The following MLANA variants were observed in gnomAD, a reference collection of about 807,000 sequenced individuals.
MLANA encodes the protein melanoma antigen recognized by T-cells 1.
MLANA carries 21 observed loss-of-function variants against 15.7 expected under a neutral mutation model. The ratio of observed to expected loss-of-function variants is 1.33; its 90% CI spans 0.95 to 1.92. The LOEUF (loss-of-function observed/expected upper bound fraction) is 1.92, where lower values mean the gene tolerates loss of function less well. Ranked by LOEUF, MLANA falls within the 40% of genes most tolerant of loss-of-function variation. MLANA has a pLI of 0.00. For synonymous variants in MLANA, 56 were observed against 51.5 expected, an observed-to-expected ratio of 1.09 and a Z score of -0.37; for missense variants, 164 against 143.8, an observed-to-expected ratio of 1.14 and a Z score of -0.72.
intron 3 of MLANA, among the ~76,000 whole-genome samples, chr9:5,905,792 G>C (rs1832765454): frequency 6.6e-6 from 1 of 152,138 alleles, no homozygotes; most frequent in South Asian, 2.1e-4. Context: ...CTGTCTTCCT[G>C]AAACATATAA....
At chr9:5,903,719 T>C (rs1254393509) in intron 3 of MLANA, among the ~76,000 whole-genome samples, 2 of 152,222 alleles carry the variant, frequency 1.3e-5, no homozygotes, top group Non-Finnish European at 2.9e-5. Flanking sequence ...TTATGTCTTC[T>C]TGGAGAATGA....
Position 5,897,482 on chromosome 9 carries a change from A to T in MLANA, c.78-75A>T. On this transcript the variant is annotated intron_variant, in intron 2 of 4. Coordinates refer to ENST00000381477, the MANE Select transcript of MLANA (RefSeq NM_005511.2). ...GTCGTCAAAGTCCATATGAAGAGGA[A>T]GACTGATTTATGCTTCATCATAATG... The T allele has an allele frequency of 2.2e-6, 3 of 1,360,228 alleles. No homozygotes were observed. In the East Asian group the frequency reaches 6.9e-5, roughly 31 times the overall value. The allele number at this position is 1,360,228 out of a possible 1,614,324, so 84.3% of individuals were successfully genotyped here.
intron 3 of MLANA, among the ~76,000 whole-genome samples, chr9:5,905,683 C>A (rs768987106): frequency 7.9e-5 from 12 of 152,208 alleles, no homozygotes; most frequent in African/African-American, 2.7e-4. Flanking sequence ...CTAAAACCCA[C>A]CTGTGACTTG....
intron 3 of MLANA, among the ~76,000 whole-genome samples, chr9:5,901,978 C>G (rs1038870772): frequency 6.6e-6 from 1 of 151,842 alleles, no homozygotes; most frequent in Non-Finnish European, 1.5e-5. Flanking sequence ...GTAGTTTTCT[C>G]TTTTTGCAAT....
chr9:5,895,985 T>G (rs1426842494), intron 2 of MLANA, among the ~76,000 whole-genome samples: 1 of 152,228 alleles, frequency 6.6e-6, no homozygotes, highest in East Asian at 1.9e-4. Flanking sequence ...TTGAATCAGC[T>G]GCCTTCAGTC....
At chr9:5,897,040 T>G (rs958483736) in intron 2 of MLANA, among the ~76,000 whole-genome samples, 12 of 152,268 alleles carry the variant, frequency 7.9e-5, no homozygotes, top group African/African-American at 2.9e-4. Flanking sequence ...CTCTGCCTTT[T>G]ATTTCCTCTT....
intron 3 of MLANA, among the ~76,000 whole-genome samples, chr9:5,902,404 T>A (rs1450630121): frequency 6.6e-6 from 1 of 152,198 alleles, no homozygotes; most frequent in Non-Finnish European, 1.5e-5. Flanking sequence ...TTATTGATCT[T>A]TTCCCAGAAT....
At chr9:5,898,256 C>T in intron 3 of MLANA, 1 of 152,866 alleles carries the variant, frequency 6.5e-6, no homozygotes, top group Non-Finnish European at 1.5e-5. Flanking sequence ...ACTATGTTGC[C>T]CAGGCTGGTC....
chr9:5,898,341 T>A (rs971361777), intron 3 of MLANA, among the ~76,000 whole-genome samples: 2 of 152,184 alleles, frequency 1.3e-5, no homozygotes, highest in Admixed American at 6.5e-5. Flanking sequence ...ACACTCCACA[T>A]ATGGCCCAAA....
chr9:5,909,017 T>C lies in MLANA; in HGVS notation c.*309T>C, dbSNP rs971118572. 2.9e-6 allele frequency: 1 copy of C among 342,720 alleles called. No individual in the cohort carries two copies. The highest frequency in any genetic ancestry group is 2.1e-5 in the African/African-American group (1 of 46,700). The allele number at this position is 342,720 out of a possible 1,614,324, so 21.2% of individuals were successfully genotyped here. ...AGAGACAGAATTCAAGTGGGTATTC[T>C]GGGGCCATCCAATTTCTCTTTACTT... On this transcript the variant is annotated 3_prime_UTR_variant, in exon 5 of 5. Transcript: ENST00000381477.
At chr9:5,906,490 T>C (rs1021042442) in intron 3 of MLANA, among the ~76,000 whole-genome samples, 2 of 152,278 alleles carry the variant, frequency 1.3e-5, no homozygotes, top group African/African-American at 4.8e-5. Flanking sequence ...AAGGCAGGTC[T>C]ACTGGCAATG....
rs187428879 is a variant in MLANA, at chr9:5,896,445, T to C, written c.78-1112T>C. Among the ~76,000 whole-genome samples the C allele has an allele frequency of 1.5e-3, 235 of 152,314 alleles. 1 individual carries two copies. In the Middle Eastern group the frequency reaches 0.034, roughly 22 times the overall value. ...ATCCCATGGTTCGCTCTATCCTGTT[T>C]GGAGACGGACAGGATAAGCTTGATG... On this transcript the variant is annotated intron_variant, in intron 2 of 4. Coordinates refer to ENST00000381477, the MANE Select transcript of MLANA (RefSeq NM_005511.2).
At chr9:5,896,613 G>C (rs972921935) in intron 2 of MLANA, among the ~76,000 whole-genome samples, 2 of 152,186 alleles carry the variant, frequency 1.3e-5, no homozygotes, top group Non-Finnish European at 2.9e-5. Flanking sequence ...CTTTCTTAGC[G>C]AGTTGACAAC....
In MLANA at chr9:5,890,966, T is replaced by C. The variant is rs1420358872; in HGVS notation, c.-26+30T>C. On this transcript the variant is annotated intron_variant, in intron 1 of 4. Coordinates refer to ENST00000381477, the MANE Select transcript of MLANA (RefSeq NM_005511.2). Reference sequence around the variant, plus strand: ...GAGCGTTGCCTTCTCGCCATAATCATAGTCCTCTTCTCCCAGAATAGGATT... The same window carrying C: ...GAGCGTTGCCTTCTCGCCATAATCACAGTCCTCTTCTCCCAGAATAGGATT... 2.0e-5 allele frequency: 3 copies of C among 152,290 alleles called. No individual in the cohort carries two copies. The East Asian group carries it at 5.8e-4, about 29-fold the overall frequency. 9.4% of individuals were successfully genotyped at this position (152,290 alleles called of 1,614,324 possible). A position where few individuals can be genotyped will look rare whatever the true frequency, so the allele number is the denominator to read the frequency against.
intron 4 of MLANA, 199 bp downstream of exon 4, chr9:5,907,197 G>C: frequency 5.8e-6 from 2 of 346,970 alleles, no homozygotes; most frequent in Middle Eastern, 1.5e-3. Context: ...TAAAAAACAA[G>C]GGAAGTACAG....
intron 3 of MLANA, among the ~76,000 whole-genome samples, chr9:5,904,518 G>C (rs531129604): frequency 6.6e-6 from 1 of 151,984 alleles, no homozygotes; most frequent in Non-Finnish European, 1.5e-5. Flanking sequence ...TGTCGCCCAG[G>C]CTGGAGTGCA....
At position 5,894,935 on chromosome 9, in the gene MLANA, C is replaced by G. The variant is rs746445757; in HGVS notation, c.77+2384C>G. On this transcript the variant is annotated intron_variant, in intron 2 of 4. Transcript: ENST00000381477. The surrounding 1 kb of genome is among the most constrained non-coding windows in gnomAD (Gnocchi z 4.0). ...TTATGACCACTATCATGTGAAGGAA[C>G]CCCTTGACTGAAGGCACAAGCTTTC... Among the ~76,000 whole-genome samples the G allele has an allele frequency of 3.3e-5, 5 of 152,164 alleles. No homozygotes were observed. Among genetic ancestry groups the G allele is most frequent in the Non-Finnish European group, 7.4e-5 (5 of 68,024 alleles).
At chr9:5,902,795 T>C (rs992747296) in intron 3 of MLANA, among the ~76,000 whole-genome samples, 1 of 152,098 alleles carries the variant, frequency 6.6e-6, no homozygotes, top group Admixed American at 6.6e-5. Context: ...GCATGAGCCA[T>C]TGTGCTCTGC....
intron 3 of MLANA, among the ~76,000 whole-genome samples, chr9:5,901,372 TTGAG>T (rs1470565877): frequency 6.6e-6 from 1 of 152,216 alleles, no homozygotes; most frequent in East Asian, 1.9e-4. Flanking sequence ...TTCAGCAAAC[TTGAG>T]TAAGTTTCCC....
Sources: allele counts gnomAD v4.1 joint callset (sites outside exome capture counted in the v4.1 genomes callset), GRCh38; gene constraint gnomAD v4.1.1; non-coding constraint Gnocchi (gnomAD v3.1); transcripts MANE v1.5; gene names NCBI Gene and HGNC (gene_info 2026-07-23, HGNC 2026-07-21).